The following GRID2 variants were observed in gnomAD, a reference collection of about 807,000 sequenced individuals.
GRID2 encodes the protein glutamate ionotropic receptor delta type subunit 2.
Under a neutral mutation model 114.8 loss-of-function variants are expected in GRID2, and 33 were observed. The ratio of observed to expected loss-of-function variants is 0.29; its 90% CI spans 0.22 to 0.38. The LOEUF (loss-of-function observed/expected upper bound fraction) is 0.38, where lower values mean the gene tolerates loss of function less well. GRID2 is among the 10% of genes least tolerant of loss of function. The pLI is 1.00. For missense variants in GRID2, 1,184 were observed against 1,257.7 expected, an observed-to-expected ratio of 0.94 and a Z score of 0.89; for synonymous variants, 505 against 449.9, an observed-to-expected ratio of 1.12 and a Z score of -1.55.
chr4:92,643,607 C>A (rs1936435857), intron 2 of GRID2, among the ~76,000 whole-genome samples: 1 of 151,672 alleles, frequency 6.6e-6, no homozygotes, highest in African/African-American at 2.4e-5. Flanking sequence ...AATGAAATAT[C>A]TATGAATACA....
intron 14 of GRID2, among the ~76,000 whole-genome samples, chr4:93,751,560 C>T (rs187812314): frequency 3.1e-4 from 47 of 152,248 alleles, no homozygotes; most frequent in Non-Finnish European, 4.6e-4. Context: ...CAATGATTTA[C>T]TGTGTTGCTT....
intron 9 of GRID2, among the ~76,000 whole-genome samples, chr4:93,406,912 A>G (rs1417605552): frequency 6.6e-6 from 1 of 152,184 alleles, no homozygotes; most frequent in African/African-American, 2.4e-5. Context: ...TAAACGACGA[A>G]AAAACGTCAC....
intron 11 of GRID2, among the ~76,000 whole-genome samples, chr4:93,458,915 A>G (rs532521387): frequency 2.3e-4 from 35 of 152,122 alleles, no homozygotes; most frequent in African/African-American, 7.2e-4. Flanking sequence ...TAGGCCTGGC[A>G]TGGTGGCACA....
intron 1 of GRID2, among the ~76,000 whole-genome samples, chr4:92,429,806 G>A (rs1348320222): frequency 6.6e-6 from 1 of 152,158 alleles, no homozygotes; most frequent in African/African-American, 2.4e-5. Flanking sequence ...TAATTGGAGG[G>A]AGATGATAGA....
intron 1 of GRID2, among the ~76,000 whole-genome samples, chr4:93,799,193 G>A (rs1175953292): frequency 6.6e-6 from 1 of 152,184 alleles, no homozygotes; most frequent in Non-Finnish European, 1.5e-5. Context: ...TTTACTATAA[G>A]TAAGTCATTG....
At chr4:93,017,227 G>A (rs1722835911) in intron 2 of GRID2, among the ~76,000 whole-genome samples, 1 of 152,104 alleles carries the variant, frequency 6.6e-6, no homozygotes, top group African/African-American at 2.4e-5. Flanking sequence ...TAGCAATTTT[G>A]CTCATGGACA....
At chr4:93,305,250 T>C (rs988357825) in intron 8 of GRID2, among the ~76,000 whole-genome samples, 1 of 152,118 alleles carries the variant, frequency 6.6e-6, no homozygotes, top group Non-Finnish European at 1.5e-5. Flanking sequence ...AAAGGTTAAA[T>C]GTAGTTGTCA....
In GRID2 at chr4:93,060,460, A is replaced by G. The variant is rs114207250; in HGVS notation, c.245-24535A>G. 2.4e-3 allele frequency among the ~76,000 whole-genome samples: 360 copies of G among 152,234 alleles called. 2 individuals are homozygous for G. Among genetic ancestry groups the G allele is most frequent in the African/African-American group, 8.4e-3 (350 of 41,542 alleles). ...CAATTTTCTAGATATTTGGAATGAT[A>G]TGTTTTTCCAAAAGTCACATATTTT... On this transcript the variant is annotated intron_variant, in intron 2 of 15. Transcript: ENST00000282020.
intron 2 of GRID2, among the ~76,000 whole-genome samples, chr4:93,058,528 T>TATA (rs1727476970): frequency 6.6e-6 from 1 of 152,136 alleles, no homozygotes; most frequent in East Asian, 1.9e-4. Context: ...GTGGCTTTTT[T>TATA]TTAGTTGTCC....
At chr4:92,571,016 T>A (rs971818917) in intron 1 of GRID2, among the ~76,000 whole-genome samples, 1 of 152,092 alleles carries the variant, frequency 6.6e-6, no homozygotes, top group African/African-American at 2.4e-5. Context: ...GACAAGCTTG[T>A]CTTGTGCCGG....
intron 2 of GRID2, among the ~76,000 whole-genome samples, chr4:92,597,141 T>G (rs551876097): frequency 6.6e-6 from 1 of 152,214 alleles, no homozygotes; most frequent in South Asian, 2.1e-4. Flanking sequence ...GAAAGAAGTT[T>G]AATTGACTCA....
At chr4:92,801,388 A>T (rs1008365914) in intron 2 of GRID2, among the ~76,000 whole-genome samples, 5 of 151,996 alleles carry the variant, frequency 3.3e-5, no homozygotes, top group African/African-American at 1.2e-4. Flanking sequence ...TTATTTCTAC[A>T]AAAACCTCTG....
intron 4 of GRID2, among the ~76,000 whole-genome samples, chr4:93,117,334 A>G (rs905680806): frequency 1.3e-5 from 2 of 151,680 alleles, no homozygotes; most frequent in Non-Finnish European, 2.9e-5. Context: ...TATGCTTCTT[A>G]CTTTTTTTTT....
chr4:93,122,728 A>T (rs1254097097), intron 4 of GRID2, among the ~76,000 whole-genome samples: 1 of 152,078 alleles, frequency 6.6e-6, no homozygotes, highest in Non-Finnish European at 1.5e-5. Context: ...TTAAAAAAAA[A>T]CAAATCTCTA....
At chr4:92,619,771 TTTG>T (rs1260216871) in intron 2 of GRID2, among the ~76,000 whole-genome samples, 2 of 135,612 alleles carry the variant, frequency 1.5e-5, no homozygotes, top group Non-Finnish European at 3.4e-5. Flanking sequence ...GTTGTATGTC[TTTG>T]TTTTTTTGTT....
At chr4:93,179,681 T>A (rs1433218274) in intron 4 of GRID2, among the ~76,000 whole-genome samples, 1 of 152,210 alleles carries the variant, frequency 6.6e-6, no homozygotes, top group Non-Finnish European at 1.5e-5. Flanking sequence ...GTAAGAACTA[T>A]TATGATCCCT....
intron 14 of GRID2, among the ~76,000 whole-genome samples, 190 bp from the exon 15 acceptor site, chr4:93,769,020 A>C (rs1442870527): frequency 6.6e-6 from 1 of 152,180 alleles, no homozygotes; most frequent in Non-Finnish European, 1.5e-5. Context: ...GTGTGGTGCA[A>C]TGCTGTCTGT....
chr4:92,545,979 T>G (rs1422385285), intron 1 of GRID2, among the ~76,000 whole-genome samples: 1 of 152,192 alleles, frequency 6.6e-6, no homozygotes, highest in Non-Finnish European at 1.5e-5. Flanking sequence ...AAAAATGTAC[T>G]TCTATTTGGC....
rs146913357 is a variant in GRID2 at position 92,825,328 on chromosome 4, C to T, written c.244+235042C>T. Among the ~76,000 whole-genome samples, 5 of 152,238 alleles carry T rather than the reference C, an allele frequency of 3.3e-5. No homozygotes were observed. The East Asian group carries it at 9.7e-4, about 30-fold the overall frequency. On this transcript the variant is annotated intron_variant, in intron 2 of 15. Coordinates refer to ENST00000282020, the MANE Select transcript of GRID2 (RefSeq NM_001510.4). ...GTTGAGAAGAATCCAGACTGAACTT[C>T]AGCCCCTACTAAAACTCTTGGCCAG...
Sources: gnomAD v4.1 joint callset for allele counts (sites outside exome capture counted in the v4.1 genomes callset) on GRCh38, gnomAD v4.1.1 for gene constraint, MANE v1.5 for transcripts, NCBI Gene and HGNC (gene_info 2026-07-23, HGNC 2026-07-21) for gene names.